The following PSMF1 variants were observed in gnomAD, a reference collection of about 807,000 sequenced individuals.
The protein encoded by PSMF1 is proteasome inhibitor PI31 subunit.
Under a neutral mutation model 29.3 loss-of-function variants are expected in PSMF1, and 30 were observed. That is an observed-to-expected ratio of 1.02 (90% CI 0.77 to 1.39). The LOEUF is 1.39. Ranked by LOEUF, PSMF1 falls within the 40% of genes most tolerant of loss-of-function variation. The pLI, the probability that PSMF1 is intolerant of heterozygous loss-of-function variation, is 0.00. For missense variants in PSMF1, 344 were observed against 357.5 expected, an observed-to-expected ratio of 0.96 and a Z score of 0.31; for synonymous variants, 134 against 139.7, an observed-to-expected ratio of 0.96 and a Z score of 0.29.
chr20:1,159,702 G>A (rs1364129691), intron 4 of PSMF1, among the ~76,000 whole-genome samples: 2 of 152,198 alleles, frequency 1.3e-5, no homozygotes, highest in Non-Finnish European at 2.9e-5. Flanking sequence ...TAGGCAGGAT[G>A]TTGGAGGCTG....
chr20:1,120,201 T>C (rs1401472291), intron 1 of PSMF1, among the ~76,000 whole-genome samples: 2 of 151,954 alleles, frequency 1.3e-5, no homozygotes, highest in Admixed American at 1.3e-4. Context: ...GATTTCTGGC[T>C]CTTTTTTTCC....
At chr20:1,115,802 G>C (rs1034970391), upstream of PSMF1, among the ~76,000 whole-genome samples, 1 of 148,552 alleles carries the variant, frequency 6.7e-6, no homozygotes, top group East Asian at 2.0e-4. Context: ...GCTTGATCTC[G>C]GCTCACTGCA....
At chr20:1,134,412 C>G (rs2086275792) in intron 3 of PSMF1, among the ~76,000 whole-genome samples, 1 of 152,046 alleles carries the variant, frequency 6.6e-6, no homozygotes, top group African/African-American at 2.4e-5. Context: ...TGTTATGATT[C>G]CATATGGTTG....
chr20:1,157,186 A>G (rs1348218982), intron 4 of PSMF1, among the ~76,000 whole-genome samples: 3 of 152,168 alleles, frequency 2.0e-5, no homozygotes, highest in African/African-American at 7.2e-5. Context: ...GCAGCTAATT[A>G]GATTGTGCCC....
intron 3 of PSMF1, among the ~76,000 whole-genome samples, chr20:1,133,569 A>ATATATATATATATATTTTTTTTTTTTTT: frequency 3.8e-5 from 2 of 53,288 alleles, no homozygotes; most frequent in South Asian, 6.7e-4. Flanking sequence ...ATATATATAT[A>ATATATATATATATATTTTTTTTTTTTTT]TTTTTTTTTT....
At chr20:1,127,537 G>GA in intron 3 of PSMF1, 29 bp downstream of exon 3, 1 of 1,519,596 alleles carries the variant, frequency 6.6e-7, no homozygotes, top group Non-Finnish European at 9.1e-7. Context: ...TCTTCCCTGG[G>GA]AAAAAGAAGA....
intron 3 of PSMF1, among the ~76,000 whole-genome samples, chr20:1,133,255 C>A (rs2086254504): frequency 6.6e-6 from 1 of 150,426 alleles, no homozygotes. Flanking sequence ...AAAGAAGTTC[C>A]CCTTTATTCT....
At chr20:1,129,987 G>A (rs905224637) in intron 3 of PSMF1, among the ~76,000 whole-genome samples, 2 of 152,126 alleles carry the variant, frequency 1.3e-5, no homozygotes, top group African/African-American at 2.4e-5. Flanking sequence ...AATATTATTC[G>A]GCTTTAAAAA....
At chr20:1,124,433 A>G (rs2122460589) in intron 1 of PSMF1, among the ~76,000 whole-genome samples, 1 of 152,352 alleles carries the variant, frequency 6.6e-6, no homozygotes, top group East Asian at 1.9e-4. Context: ...GTTGCCAACT[A>G]CACGGAGCAA....
At chr20:1,140,553 C>T (rs989980043) in intron 4 of PSMF1, among the ~76,000 whole-genome samples, 1 of 152,086 alleles carries the variant, frequency 6.6e-6, no homozygotes, top group Non-Finnish European at 1.5e-5. Flanking sequence ...GTTTCTTAGA[C>T]ACAATACCTG....
At position 1,135,286 on chromosome 20, in the gene PSMF1, C is replaced by T. The variant is rs979082155; in HGVS notation, c.531C>T (p.His177=). 6 of 1,613,008 alleles carry T rather than the reference C, an allele frequency of 3.7e-6. No individual in the cohort carries two copies. Among genetic ancestry groups the T allele is most frequent in the Non-Finnish European group, 4.2e-6 (5 of 1,179,336 alleles). ...DPLRIPPHHP[H]TSRQPPWCDP... is the part of the protein sequence containing the mutation. ...TCCGGATTCCTCCACACCACCCACA[C>T]ACCAGTCGGCAGCCTCCCTGGTGAG... The change falls in exon 4 of 7, where the codon CAC becomes CAT. Residue 177 remains histidine, a synonymous_variant. Transcript: ENST00000335877.
intron 4 of PSMF1, among the ~76,000 whole-genome samples, chr20:1,149,581 A>T (rs149803325): frequency 0.012 from 1,800 of 152,338 alleles, 31 homozygotes; most frequent in African/African-American, 0.041. Context: ...AATGTCCGCT[A>T]TGTAGCCAAG....
At chr20:1,141,551 C>T (rs1363583961) in intron 4 of PSMF1, among the ~76,000 whole-genome samples, 2 of 151,858 alleles carry the variant, frequency 1.3e-5, no homozygotes, top group African/African-American at 4.8e-5. Flanking sequence ...TTTAAGGACT[C>T]ATCATCATAC....
chr20:1,122,213 C>T (rs147474580), intron 1 of PSMF1, among the ~76,000 whole-genome samples: 145 of 152,260 alleles, frequency 9.5e-4, no homozygotes, highest in Middle Eastern at 3.4e-3. Flanking sequence ...AAGCACAGCC[C>T]TACACCTGAC....
At position 1,139,328 on chromosome 20, in the gene PSMF1, A is replaced by G. The variant is rs6104635; in HGVS notation, c.551+4022A>G. On this transcript the variant is annotated intron_variant, in intron 4 of 6. Coordinates refer to ENST00000335877, the MANE Select transcript of PSMF1 (RefSeq NM_006814.5). Reference sequence around the variant, plus strand: ...TCTTAAGATCCGGAACAAGGCAAGCATGTTTGCTTTTGTTTTTGCCACTTT... The same window carrying G: ...TCTTAAGATCCGGAACAAGGCAAGCGTGTTTGCTTTTGTTTTTGCCACTTT... Among the ~76,000 whole-genome samples the G allele has an allele frequency of 7.9e-3, 1,204 of 152,332 alleles. 14 individuals carry two copies. The highest frequency in any genetic ancestry group is 0.027 in the African/African-American group (1,142 of 41,586).
intron 4 of PSMF1, among the ~76,000 whole-genome samples, chr20:1,138,087 C>G (rs1013766174): frequency 1.3e-5 from 2 of 152,140 alleles, no homozygotes; most frequent in African/African-American, 4.8e-5. Flanking sequence ...AATACCAGTT[C>G]TTCACATAGT....
chr20:1,125,438 T>C, intron 1 of PSMF1, 60 bp from the exon 2 acceptor site: 3 of 1,509,586 alleles, frequency 2.0e-6, no homozygotes, highest in South Asian at 1.3e-5. Flanking sequence ...CTCGTGAGGT[T>C]CTTTATAGTT....
chr20:1,115,337 C>G (rs6074139), upstream of PSMF1, among the ~76,000 whole-genome samples: 421 of 68,394 alleles, frequency 6.2e-3, 10 homozygotes, highest in Middle Eastern at 9.1e-3. Flanking sequence ...TGTATGCAAA[C>G]CAGTGTTGAA....
In PSMF1 at chr20:1,169,886, G is replaced by A. The variant is rs1369697422; in HGVS notation, c.*4806G>A. Among the ~76,000 whole-genome samples the A allele has an allele frequency of 6.6e-6, 1 of 152,176 alleles. No homozygotes were observed. Among genetic ancestry groups the A allele is most frequent in the Admixed American group, 6.5e-5 (1 of 15,284 alleles). ...GAAGGTGCACTGGGACAGAGGTCTAGTGAGCCAATCTTCTGTGTTGTCTAC... is the reference window on the plus strand; with the variant it reads ...GAAGGTGCACTGGGACAGAGGTCTAATGAGCCAATCTTCTGTGTTGTCTAC... On this transcript the variant is annotated 3_prime_UTR_variant, in exon 7 of 7. Transcript: ENST00000335877.
Sources: gnomAD v4.1 joint callset for allele counts (sites outside exome capture counted in the v4.1 genomes callset) on GRCh38, gnomAD v4.1.1 for gene constraint, MANE v1.5 for transcripts, NCBI Gene and HGNC (gene_info 2026-07-23, HGNC 2026-07-21) for gene names.